The following PLXDC1 variants were observed in gnomAD, a reference collection of about 807,000 sequenced individuals.
The protein encoded by PLXDC1 is plexin domain containing 1.
Under a neutral mutation model 61.3 loss-of-function variants are expected in PLXDC1, and 39 were observed. That is an observed-to-expected ratio of 0.64 (90% confidence interval 0.49 to 0.83). The LOEUF (loss-of-function observed/expected upper bound fraction) is 0.83. Ranked by LOEUF, PLXDC1 falls within the 40% of genes least tolerant of loss-of-function variation. The pLI is 0.00. For missense variants in PLXDC1, 596 were observed against 666.5 expected (o/e 0.89, Z 1.17); for synonymous variants, 212 against 254.5 (o/e 0.83, Z 1.59).
intron 2 of PLXDC1, among the ~76,000 whole-genome samples, chr17:39,134,194 C>A (rs568393576): frequency 6.6e-6 from 1 of 150,420 alleles, no homozygotes; most frequent in South Asian, 2.1e-4. Context: ...GCGGAGCTTG[C>A]GGTGAACCGA....
chr17:39,101,689 T>C (rs1910425488), intron 7 of PLXDC1, among the ~76,000 whole-genome samples: 1 of 152,122 alleles, frequency 6.6e-6, no homozygotes, highest in Non-Finnish European at 1.5e-5. Flanking sequence ...CCCAGAACCA[T>C]AAGCCGGGAC....
intron 1 of PLXDC1, among the ~76,000 whole-genome samples, chr17:39,142,195 C>T (rs544535200): frequency 6.6e-6 from 1 of 152,172 alleles, no homozygotes; most frequent in Non-Finnish European, 1.5e-5. Flanking sequence ...AATTAACCCC[C>T]CCTTGCCCCA....
intron 7 of PLXDC1, among the ~76,000 whole-genome samples, chr17:39,102,261 G>A (rs928659736): frequency 2.6e-5 from 4 of 152,226 alleles, no homozygotes; most frequent in African/African-American, 7.2e-5. Context: ...GAGGTAGCTC[G>A]AGGCAACTCA....
intron 6 of PLXDC1, among the ~76,000 whole-genome samples, 187 bp downstream of exon 6, chr17:39,107,220 C>T (rs1484860610): frequency 6.6e-6 from 1 of 152,174 alleles, no homozygotes. Flanking sequence ...TACATTTGTC[C>T]CTGTAATTAT....
intron 2 of PLXDC1, among the ~76,000 whole-genome samples, chr17:39,137,047 C>A (rs1462119961): frequency 1.3e-5 from 2 of 152,096 alleles, no homozygotes; most frequent in Non-Finnish European, 2.9e-5. Flanking sequence ...TGAAACAGTC[C>A]CCCAACGTCC....
Position 39,127,812 on chromosome 17 carries a change from G to A in PLXDC1, c.255+11842C>T, listed in dbSNP as rs553342445. ...CTACTAAAAATACAAAAAATTAGCCGGGCATGATGGTGGCGGGCGCCTGTA... is the reference window on the plus strand; with the variant it reads ...CTACTAAAAATACAAAAAATTAGCCAGGCATGATGGTGGCGGGCGCCTGTA... On this transcript the variant is annotated intron_variant, in intron 2 of 13. Coordinates refer to ENST00000315392, the MANE Select transcript of PLXDC1 (RefSeq NM_020405.5). 2.1e-3 allele frequency among the ~76,000 whole-genome samples: 314 copies of A among 151,344 alleles called. 4 individuals are homozygous for A. The highest frequency in any genetic ancestry group is 7.0e-3 in the African/African-American group (288 of 41,198).
intron 3 of PLXDC1, 67 bp from the exon 4 acceptor site, chr17:39,109,040 C>A (rs1455249697): frequency 7.4e-7 from 1 of 1,359,398 alleles, no homozygotes; most frequent in Non-Finnish European, 1.0e-6. Context: ...ACCCACACTG[C>A]CTCATGCTTG....
chr17:39,068,050 C>G (rs969253766), intron 13 of PLXDC1, 91 bp from the exon 14 acceptor site: 2 of 1,308,288 alleles, frequency 1.5e-6, no homozygotes, highest in African/African-American at 2.9e-5. Context: ...CCAAGACTGT[C>G]TCTTATAAGG....
chr17:39,128,103 A>ATATGTATATATATATGTGTATATATATG (rs1388209830), intron 2 of PLXDC1, among the ~76,000 whole-genome samples: 1,412 of 84,784 alleles, frequency 0.017, 89 homozygotes, highest in Middle Eastern at 0.035. Context: ...ATGTGTATAT[A>ATATGTATATATATATGTGTATATATATG]TATATATATA....
chr17:39,079,242 C>A, intron 9 of PLXDC1, 78 bp from the exon 10 acceptor site: 1 of 1,254,254 alleles, frequency 8.0e-7, no homozygotes, highest in South Asian at 1.2e-5. Context: ...AGTAACAGCT[C>A]TCTGCTGATA....
At chr17:39,079,582 A>G (rs552901917) in intron 9 of PLXDC1, 248 of 456,906 alleles carry the variant, frequency 5.4e-4, no homozygotes, top group South Asian at 1.9e-4. Flanking sequence ...GACTTAGTCA[A>G]CACCTCCCCA....
upstream of PLXDC1, chr17:39,152,833 C>T (rs1034079561): frequency 2.0e-4 from 107 of 545,164 alleles, no homozygotes; most frequent in Non-Finnish European, 5.8e-5. Flanking sequence ...ACTAAAGGCT[C>T]TCTAATCTCT....
At chr17:39,080,864 C>CA (rs2143375680) in intron 9 of PLXDC1, 1 of 152,674 alleles carries the variant, frequency 6.5e-6, no homozygotes, top group Non-Finnish European at 1.5e-5. Context: ...GAGGAGGGCT[C>CA]AACCCTCATT....
intron 2 of PLXDC1, among the ~76,000 whole-genome samples, chr17:39,128,426 G>A (rs564612438): frequency 2.0e-5 from 3 of 151,206 alleles, no homozygotes; most frequent in South Asian, 4.2e-4. Context: ...CATCATGTTG[G>A]CCAGGGTGGT....
chr17:39,139,671 T>G lies in PLXDC1; in HGVS notation c.238A>C (p.Asn80His). The G allele has an allele frequency of 6.2e-7, 1 of 1,613,326 alleles. No individual in the cohort carries two copies. The highest frequency in any genetic ancestry group is 8.5e-7 in the Non-Finnish European group (1 of 1,179,774). Residue 80 changes from asparagine (N) to histidine (H), a missense_variant, in exon 2 of 14, where the codon AAC becomes CAC. Physicochemically the swap from Asn to His is moderately conservative, Grantham distance 68 (BLOSUM62 1). Transcript: ENST00000315392. ...GCACTCACCACCACCCTGGTCCTGT[T>G]ATCTGGCAGCGTGTCCATGGCCAGG... ...GTLAMDTLPD[N>H]RTRVVEDNHS...
intron 11 of PLXDC1, among the ~76,000 whole-genome samples, chr17:39,073,590 C>T (rs1342720075): frequency 1.3e-5 from 2 of 152,210 alleles, no homozygotes; most frequent in Non-Finnish European, 2.9e-5. Flanking sequence ...GCCCACGCAG[C>T]CTCTCTCCCA....
intron 7 of PLXDC1, among the ~76,000 whole-genome samples, chr17:39,090,488 G>T (rs1909905545): frequency 6.6e-6 from 1 of 152,152 alleles, no homozygotes; most frequent in Non-Finnish European, 1.5e-5. Flanking sequence ...AAGAAGCTCG[G>T]CCCCCGGAGG....
intron 9 of PLXDC1, among the ~76,000 whole-genome samples, chr17:39,082,826 G>A (rs1019053852): frequency 6.6e-6 from 1 of 152,190 alleles, no homozygotes; most frequent in Admixed American, 6.5e-5. Flanking sequence ...AACAAGGAGT[G>A]GAAGAGGAGA....
upstream of PLXDC1, among the ~76,000 whole-genome samples, chr17:39,152,033 T>C (rs1320116650): frequency 6.6e-6 from 1 of 152,038 alleles, no homozygotes; most frequent in East Asian, 1.9e-4. Flanking sequence ...TGCGACTTCC[T>C]GAGCTGTTCT....
Sources: gnomAD v4.1 joint callset for allele counts (sites outside exome capture counted in the v4.1 genomes callset) on GRCh38, gnomAD v4.1.1 for gene constraint, MANE v1.5 for transcripts, NCBI Gene and HGNC (gene_info 2026-07-23, HGNC 2026-07-21) for gene names.